Variants in SASH1 observed in about 807,000 individuals in gnomAD.
The protein encoded by SASH1 is SAM and SH3 domain containing 1.
In SASH1, 44 loss-of-function variants were observed where a neutral mutation model predicts 125.2. That is an observed-to-expected ratio of 0.35 (90% CI 0.28 to 0.45). The LOEUF (loss-of-function observed/expected upper bound fraction) is 0.45. SASH1 is among the 20% of genes least tolerant of loss of function. The probability of loss-of-function intolerance (pLI) is 1.00; values close to 1 mark genes in which losing one functional copy is unlikely to be tolerated. For missense variants in SASH1, 1,426 were observed against 1,614.5 expected (o/e 0.88, Z 2.00); for synonymous variants, 639 against 649.1 (o/e 0.98, Z 0.24).
the SASH1 span, among the ~76,000 whole-genome samples, chr6:148,203,923 C>A: frequency 2.0e-5 from 3 of 152,176 alleles, no homozygotes; most frequent in African/African-American, 7.2e-5. Flanking sequence ...AACCTGTGGC[C>A]CTTGTACCTT....
At chr6:148,242,559 G>A in the SASH1 span, among the ~76,000 whole-genome samples, 1 of 152,176 alleles carries the variant, frequency 6.6e-6, no homozygotes. Flanking sequence ...CCTTTCACTT[G>A]CTTTTCACAC....
chr6:148,463,977 A>C (rs1236018737), intron 4 of SASH1, among the ~76,000 whole-genome samples: 1 of 152,238 alleles, frequency 6.6e-6, no homozygotes, highest in Non-Finnish European at 1.5e-5. Context: ...CCTGACTCCT[A>C]CTGAGAGGTG....
intron 8 of SASH1, among the ~76,000 whole-genome samples, chr6:148,507,923 AC>A (rs1779893884): frequency 6.6e-6 from 1 of 152,180 alleles, no homozygotes; most frequent in Admixed American, 6.5e-5. Context: ...CTTGCAGCCC[AC>A]GTCATGGAGA....
intron 2 of SASH1, among the ~76,000 whole-genome samples, chr6:148,421,591 A>G (rs1030848429): frequency 2.0e-5 from 3 of 152,256 alleles, no homozygotes; most frequent in Non-Finnish European, 4.4e-5. Context: ...GGCATGAGCC[A>G]CTGTGCCCAG....
chr6:148,429,878 T>TA (rs1029330843), intron 2 of SASH1, among the ~76,000 whole-genome samples: 1 of 152,204 alleles, frequency 6.6e-6, no homozygotes, highest in Non-Finnish European at 1.5e-5. Flanking sequence ...TAGTAAATGC[T>TA]AAGTAAATAG....
intron 4 of SASH1, among the ~76,000 whole-genome samples, chr6:148,458,840 G>A (rs1447486756): frequency 2.0e-5 from 3 of 151,876 alleles, no homozygotes; most frequent in Non-Finnish European, 2.9e-5. Flanking sequence ...GATGGCATGC[G>A]ACTCGAGTCC....
the SASH1 span, among the ~76,000 whole-genome samples, chr6:148,213,029 C>A: frequency 6.6e-6 from 1 of 152,142 alleles, no homozygotes. Context: ...CATTCTCCTG[C>A]CCCTGCCTGT....
intron 12 of SASH1, among the ~76,000 whole-genome samples, chr6:148,530,029 A>T (rs1025663399): frequency 1.3e-5 from 2 of 151,512 alleles, no homozygotes; most frequent in African/African-American, 4.9e-5. Flanking sequence ...CTGGTCTCGA[A>T]CTCCTGACCT....
At chr6:148,483,757 A>G (rs6928016) in intron 7 of SASH1, among the ~76,000 whole-genome samples, 32,875 of 152,102 alleles carry the variant, frequency 0.22, 4,095 homozygotes, top group African/African-American at 0.34. Context: ...CCTATAGGAT[A>G]TTCTTATAAA....
intron 8 of SASH1, chr6:148,508,934 G>A (rs1779961911): frequency 1.0e-6 from 1 of 999,940 alleles, no homozygotes; most frequent in African/African-American, 1.7e-5. Context: ...GTTGCTTCAA[G>A]TAAAAGTTTT....
chr6:148,275,081 C>T (rs1189622323), intron 1 of SASH1, among the ~76,000 whole-genome samples: 2 of 152,110 alleles, frequency 1.3e-5, no homozygotes, highest in South Asian at 2.1e-4. Context: ...CACATTATCA[C>T]CCAGAAACAA....
chr6:148,311,299 G>A (rs2128518643), intron 1 of SASH1, among the ~76,000 whole-genome samples: 1 of 151,642 alleles, frequency 6.6e-6, no homozygotes, highest in Non-Finnish European at 1.5e-5. Context: ...TAGAGACAGG[G>A]TTTCACCATG....
At chr6:148,313,780 C>T (rs1780401500) in intron 1 of SASH1, among the ~76,000 whole-genome samples, 1 of 152,164 alleles carries the variant, frequency 6.6e-6, no homozygotes, top group Non-Finnish European at 1.5e-5. Context: ...CTACCTGCTC[C>T]TTCTGGCGGA....
At chr6:148,390,336 C>A in intron 2 of SASH1, 74 bp downstream of exon 2, 2 of 1,428,930 alleles carry the variant, frequency 1.4e-6, no homozygotes, top group South Asian at 1.3e-5. Flanking sequence ...GGTCTTTATC[C>A]CAGTGCTAGC....
At chr6:148,534,056 AT>A in intron 15 of SASH1, 76 bp downstream of exon 15, 3 of 1,355,062 alleles carry the variant, frequency 2.2e-6, no homozygotes, top group Non-Finnish European at 3.1e-6. Context: ...AAGTGAGGGC[AT>A]TTTTAGGGTA....
chr6:148,331,580 C>T (rs1395765041), intron 1 of SASH1, among the ~76,000 whole-genome samples: 1 of 152,198 alleles, frequency 6.6e-6, no homozygotes, highest in Non-Finnish European at 1.5e-5. Flanking sequence ...CCGCCCACCT[C>T]AGCCTCCCAA....
In SASH1 at chr6:148,498,110, G is replaced by A. The variant is rs372534742; in HGVS notation, c.729+10395G>A. Reference sequence around the variant, plus strand: ...TCGACATATCAAAGGCTGGCTGGGCGTGGTGGCTCACACCTGTAATCCCAG... The same window carrying A: ...TCGACATATCAAAGGCTGGCTGGGCATGGTGGCTCACACCTGTAATCCCAG... On this transcript the variant is annotated intron_variant, in intron 8 of 19. Transcript: ENST00000367467. Among the ~76,000 whole-genome samples the A allele has an allele frequency of 3.2e-4, 49 of 152,098 alleles. No homozygotes were observed. The South Asian group carries it at 9.2e-3, about 28-fold the overall frequency.
At chr6:148,368,762 ACGCGCG>A (rs781320365) in intron 1 of SASH1, among the ~76,000 whole-genome samples, 1 of 131,386 alleles carries the variant, frequency 7.6e-6, no homozygotes, top group Non-Finnish European at 1.6e-5. Context: ...ATGCGCGCGC[ACGCGCG>A]CGCACACACA....
In SASH1 at chr6:148,514,440, A is replaced by C. The variant is rs1780323096; in HGVS notation, c.846A>C (p.Lys282Asn). ...RKKLIRVEEM[K>N]KPSTEGGEEH... The stretch of plus-strand genomic sequence containing the variant: ...AACTAATTAGGGTGGAAGAAATGAA[A>C]AAACCCAGCACTGAAGGTAAAAAAA... The change falls in exon 9 of 20, where the codon AAA (lysine) becomes AAC (asparagine). Residue 282 changes from lysine (K) to asparagine (N), a missense_variant. By Grantham distance (94) the Lys-to-Asn change is moderately conservative (BLOSUM62 0). This residue lies in a region of SASH1 where 567 missense variants were observed against 575.6 expected (regional missense o/e 0.99). Coordinates refer to ENST00000367467, the MANE Select transcript of SASH1 (RefSeq NM_015278.5). The C allele has an allele frequency of 6.5e-7, 1 of 1,532,938 alleles. No individual in the cohort carries two copies. Among genetic ancestry groups the C allele is most frequent in the African/African-American group, 1.4e-5 (1 of 69,906 alleles). 95.0% of individuals were successfully genotyped at this position (1,532,938 alleles called of 1,614,324 possible).
Sources: gnomAD v4.1 joint callset for allele counts (sites outside exome capture counted in the v4.1 genomes callset) on GRCh38, gnomAD v4.1.1 for gene constraint, gnomAD v4.1.1 regional missense constraint, MANE v1.5 for transcripts, NCBI Gene and HGNC (gene_info 2026-07-23, HGNC 2026-07-21) for gene names.